C6orf52: variants seen among roughly 807,000 people sequenced by gnomAD.
The protein encoded by C6orf52 is putative uncharacterized protein C6orf52.
Under a neutral mutation model 16.6 loss-of-function variants are expected in C6orf52, and 16 were observed. The observed-to-expected ratio is 0.96, with a 90% CI of 0.65 to 1.46. The LOEUF (loss-of-function observed/expected upper bound fraction) is 1.46. Among genes scored for constraint, C6orf52 ranks in the 40% most tolerant of loss-of-function variants. The pLI, the probability that C6orf52 is intolerant of heterozygous loss-of-function variation, is 0.00. For synonymous variants in C6orf52, 53 were observed against 61.4 expected, an observed-to-expected ratio of 0.86 and a Z score of 0.64; for missense variants, 166 against 182.3, an observed-to-expected ratio of 0.91 and a Z score of 0.52.
At chr6:10,672,425 G>T in intron 4 of C6orf52, 1 of 521,852 alleles carries the variant, frequency 1.9e-6, no homozygotes. Context: ...CCCCCACAAT[G>T]TGAAGGCATT....
chr6:10,692,253 A>G (rs1034857065), intron 1 of C6orf52, among the ~76,000 whole-genome samples: 1 of 152,228 alleles, frequency 6.6e-6, no homozygotes. Context: ...TTTTAAAGAT[A>G]AAATGTGAAA....
At position 10,687,056 on chromosome 6, in the gene C6orf52, G is replaced by C; in HGVS notation, c.180C>G (p.Ser60Arg). ...CATTTCCATCCACTGCACAGCCATA[G>C]CTGTAGCCAGAAAGAAGGTAAGAGC... Reference protein sequence around the residue: ...QHGSYLLSGYSYGCAVDGNGK... With the variant: ...QHGSYLLSGYRYGCAVDGNGK... Residue 60 changes from serine to arginine, a missense_variant, in exon 3 of 5, where the codon AGC (serine) becomes AGG (arginine). Physicochemically the swap from Ser to Arg is moderately radical, Grantham distance 110 (BLOSUM62 -1). Coordinates refer to ENST00000259983, the MANE Select transcript of C6orf52 (RefSeq NM_001145020.3). 1 of 1,551,854 alleles carries C rather than the reference G, an allele frequency of 6.4e-7. No individual in the cohort carries two copies. The highest frequency in any genetic ancestry group is 8.7e-7 in the Non-Finnish European group (1 of 1,146,966).
At chr6:10,682,718 T>G (rs1768507173) in intron 4 of C6orf52, among the ~76,000 whole-genome samples, 1 of 152,206 alleles carries the variant, frequency 6.6e-6, no homozygotes, top group South Asian at 2.1e-4. Context: ...AGAGTGTTTG[T>G]CTCTAGGCAG....
chr6:10,675,734 A>G (rs1192667626), intron 4 of C6orf52, among the ~76,000 whole-genome samples: 1 of 152,218 alleles, frequency 6.6e-6, no homozygotes, highest in Non-Finnish European at 1.5e-5. Flanking sequence ...GAGTGAGACG[A>G]TATCTCACTA....
At chr6:10,692,031 A>G (rs761154934) in intron 1 of C6orf52, among the ~76,000 whole-genome samples, 1 of 152,216 alleles carries the variant, frequency 6.6e-6, no homozygotes, top group Non-Finnish European at 1.5e-5. Context: ...TTTATTTTAA[A>G]AAGTGTATTA....
intron 3 of C6orf52, chr6:10,684,831 G>A (rs1012750334): frequency 3.9e-6 from 5 of 1,285,734 alleles, no homozygotes. Context: ...GTAAAAGAGC[G>A]CCACCACAGA....
At chr6:10,672,437 G>C in intron 4 of C6orf52, 1 of 533,024 alleles carries the variant, frequency 1.9e-6, no homozygotes, top group African/African-American at 1.9e-5. Flanking sequence ...GAAGGCATTT[G>C]GAGATGGGGC....
chr6:10,671,609 C>A lies in C6orf52; in HGVS notation c.317-11G>T. 2 of 1,510,490 alleles carry A rather than the reference C, an allele frequency of 1.3e-6. No individual in the cohort carries two copies. The highest frequency in any genetic ancestry group is 1.4e-5 in the African/African-American group (1 of 70,618). 93.6% of individuals were successfully genotyped at this position (1,510,490 alleles called of 1,614,324 possible). Reference sequence around the variant, plus strand: ...AATGAAGATGTGGATCTGCAGAAGCCAATAATGGATATGAAAAAAATAGAG... The same window carrying A: ...AATGAAGATGTGGATCTGCAGAAGCAAATAATGGATATGAAAAAAATAGAG... On this transcript the variant is annotated splice_polypyrimidine_tract_variant and intron_variant, in intron 4 of 4. Transcript: ENST00000259983.
chr6:10,680,870 A>G (rs1170604678), intron 4 of C6orf52, among the ~76,000 whole-genome samples: 1 of 152,194 alleles, frequency 6.6e-6, no homozygotes, highest in Non-Finnish European at 1.5e-5. Context: ...GCACATTCAT[A>G]GCTCACTTAA....
chr6:10,684,743 T>C (rs534894704), intron 3 of C6orf52: 17 of 609,454 alleles, frequency 2.8e-5, no homozygotes, highest in South Asian at 1.7e-4. Context: ...GCACAGCACA[T>C]TGGGGGAAGC....
chr6:10,691,557 C>T (rs559001819), intron 1 of C6orf52, among the ~76,000 whole-genome samples: 74 of 152,128 alleles, frequency 4.9e-4, no homozygotes, highest in African/African-American at 1.7e-3. Flanking sequence ...AGTGTGGTGC[C>T]GAGCTGTCTG....
intron 1 of C6orf52, among the ~76,000 whole-genome samples, chr6:10,688,672 T>A (rs961105365): frequency 6.6e-6 from 1 of 152,196 alleles, no homozygotes; most frequent in African/African-American, 2.4e-5. Context: ...CACCCTCCCA[T>A]AAACCTTAAA....
chr6:10,693,402 A>G (rs911029470), intron 1 of C6orf52, among the ~76,000 whole-genome samples: 7 of 152,248 alleles, frequency 4.6e-5, no homozygotes, highest in Admixed American at 4.6e-4. Context: ...AACAATAACA[A>G]GGTCTTTTCT....
intron 4 of C6orf52, chr6:10,672,501 G>A (rs1767519242): frequency 1.5e-6 from 1 of 681,208 alleles, no homozygotes; most frequent in Admixed American, 2.2e-5. Flanking sequence ...GACAGAAGTA[G>A]TGCCCTTATA....
chr6:10,687,611 CA>C, intron 1 of C6orf52, 50 bp from the exon 2 acceptor site: 1 of 1,172,210 alleles, frequency 8.5e-7, no homozygotes, highest in Non-Finnish European at 1.2e-6. Context: ...GTCAAAAATC[CA>C]GCTTGTGGGC....
At chr6:10,686,651 C>T (rs1445005411) in intron 3 of C6orf52, among the ~76,000 whole-genome samples, 1 of 152,180 alleles carries the variant, frequency 6.6e-6, no homozygotes, top group Admixed American at 6.5e-5. Context: ...AAAAAGACTT[C>T]ATTAGCTTTT....
chr6:10,685,579 A>G (rs927277502), intron 3 of C6orf52, among the ~76,000 whole-genome samples: 2 of 152,194 alleles, frequency 1.3e-5, no homozygotes, highest in Non-Finnish European at 2.9e-5. Context: ...ATTAGGAGAC[A>G]AGCTGGGGTG....
chr6:10,686,577 T>C (rs1004369325), intron 3 of C6orf52, among the ~76,000 whole-genome samples: 2 of 149,808 alleles, frequency 1.3e-5, no homozygotes, highest in African/African-American at 4.9e-5. Flanking sequence ...TTTTGTCCTA[T>C]ATAGTGTTAA....
chr6:10,677,272 G>A (rs1243466733), intron 4 of C6orf52, among the ~76,000 whole-genome samples: 1 of 152,160 alleles, frequency 6.6e-6, no homozygotes, highest in African/African-American at 2.4e-5. Context: ...TGAAGAGACT[G>A]CCTTTTCCCC....
Sources: gnomAD v4.1 joint callset for allele counts (sites outside exome capture counted in the v4.1 genomes callset) on GRCh38, gnomAD v4.1.1 for gene constraint, MANE v1.5 for transcripts, NCBI Gene and HGNC (gene_info 2026-07-23, HGNC 2026-07-21) for gene names.